Variants in CLASP1 observed in about 807,000 individuals in gnomAD.
The protein encoded by CLASP1 is CLIP-associating protein 1.
CLASP1 carries 38 observed loss-of-function variants against 192.3 expected under a neutral mutation model. The ratio of observed to expected loss-of-function variants is 0.20; its 90% CI spans 0.15 to 0.26. The LOEUF (loss-of-function observed/expected upper bound fraction) is 0.26. Ranked by LOEUF, CLASP1 falls within the 10% of genes least tolerant of loss-of-function variation. CLASP1 has a pLI of 1.00. For synonymous variants in CLASP1, 691 were observed against 712.8 expected (o/e 0.97, Z 0.49); for missense variants, 1,433 against 1,932.5 (o/e 0.74, Z 4.85).
At chr2:121,613,019 A>C (rs1389165952) in intron 1 of CLASP1, among the ~76,000 whole-genome samples, 1 of 152,270 alleles carries the variant, frequency 6.6e-6, no homozygotes, top group East Asian at 1.9e-4. Context: ...AAAATGATAC[A>C]GAAGAAACAG....
chr2:121,440,791 G>A (rs1574865592), intron 19 of CLASP1, among the ~76,000 whole-genome samples: 1 of 150,158 alleles, frequency 6.7e-6, no homozygotes, highest in East Asian at 1.9e-4. Flanking sequence ...AGATGTGAAG[G>A]GAGAAAAAAA....
chr2:121,529,465 T>C (rs1189879359), intron 3 of CLASP1, among the ~76,000 whole-genome samples: 2 of 152,202 alleles, frequency 1.3e-5, no homozygotes, highest in Non-Finnish European at 2.9e-5. Context: ...CAGTCGGTGC[T>C]CATGACCTTT....
chr2:121,365,420 C>T, intron 35 of CLASP1, 136 bp from the exon 37 acceptor site: 1 of 811,178 alleles, frequency 1.2e-6, no homozygotes, highest in East Asian at 2.7e-5. Context: ...TCCCCTCCCA[C>T]CCTCCGCCCT....
At chr2:121,624,578 G>A (rs559074974) in intron 1 of CLASP1, among the ~76,000 whole-genome samples, 10 of 152,070 alleles carry the variant, frequency 6.6e-5, no homozygotes, top group South Asian at 2.1e-4. Flanking sequence ...CACCATGCCC[G>A]GCTAATTTTT....
chr2:121,582,800 A>G (rs1160534778), intron 2 of CLASP1, among the ~76,000 whole-genome samples: 1 of 148,294 alleles, frequency 6.7e-6, no homozygotes, highest in Admixed American at 6.7e-5. Flanking sequence ...TTTTTTTTTA[A>G]CTGAGACAGA....
intron 8 of CLASP1, among the ~76,000 whole-genome samples, chr2:121,498,458 C>T (rs899614603): frequency 5.3e-5 from 8 of 152,084 alleles, no homozygotes; most frequent in African/African-American, 1.9e-4. Context: ...CTGCCTGTCT[C>T]GGTCTCGCAA....
rs139670629 is a variant in CLASP1 at position 121,530,818 on chromosome 2, A to G, written c.196-493T>C. ...CCGACTAGGGCGAGGCTCACGAATT[A>G]ATTACCACAACCCTACCAGGTATTG... On this transcript the variant is annotated intron_variant, in intron 2 of 39. Coordinates refer to ENST00000263710, the Ensembl canonical transcript of CLASP1. The G allele has an allele frequency of 3.3e-4, 206 of 633,484 alleles. 1 individual carries two copies. In the East Asian group the frequency reaches 5.2e-3, roughly 16 times the overall value. 39.2% of individuals were successfully genotyped at this position (633,484 alleles called of 1,614,324 possible). A position where few individuals can be genotyped will look rare whatever the true frequency, so the allele number is the denominator to read the frequency against.
chr2:121,531,132 C>CT (rs2094842769), intron 2 of CLASP1: 1 of 620,126 alleles, frequency 1.6e-6, no homozygotes, highest in African/African-American at 1.8e-5. Context: ...AAGTAAAGTT[C>CT]TTTCAGTTTT....
At chr2:121,535,767 G>A (rs1158761938) in intron 2 of CLASP1, among the ~76,000 whole-genome samples, 1 of 151,666 alleles carries the variant, frequency 6.6e-6, no homozygotes, top group Non-Finnish European at 1.5e-5. Context: ...TCCCGCCTCA[G>A]CAACCTGCCC....
intron 8 of CLASP1, among the ~76,000 whole-genome samples, chr2:121,495,579 C>T (rs1269390971): frequency 1.3e-5 from 2 of 151,108 alleles, no homozygotes; most frequent in African/African-American, 2.4e-5. Flanking sequence ...GAGAAGCGCT[C>T]GAACCAGGGA....
intron 23 of CLASP1, among the ~76,000 whole-genome samples, chr2:121,413,635 T>A (rs1391208452): frequency 1.3e-5 from 2 of 152,236 alleles, no homozygotes; most frequent in Non-Finnish European, 2.9e-5. Context: ...CATAAAACTT[T>A]GAGAACAATA....
chr2:121,639,285 A>C (rs1262044330), intron 1 of CLASP1, among the ~76,000 whole-genome samples: 2 of 152,152 alleles, frequency 1.3e-5, no homozygotes, highest in East Asian at 2.0e-4. Flanking sequence ...TCAAAAAAAA[A>C]CAAACAAACA....
intron 8 of CLASP1, among the ~76,000 whole-genome samples, chr2:121,483,200 T>C (rs1003790705): frequency 1.3e-5 from 2 of 152,118 alleles, no homozygotes; most frequent in African/African-American, 4.8e-5. Context: ...CAGGGCCTGG[T>C]AGAAAGTTAG....
intron 4 of CLASP1, 116 bp from the exon 5 acceptor site, chr2:121,528,006 C>A: frequency 1.5e-6 from 1 of 687,580 alleles, no homozygotes; most frequent in African/African-American, 1.8e-5. Flanking sequence ...CATCCTCTAC[C>A]AACACATTTA....
rs1032192813 is a variant in CLASP1 at position 121,431,770 on chromosome 2, A to G, written c.1913-1593T>C. On this transcript the variant is annotated intron_variant, in intron 19 of 39. Coordinates refer to ENST00000263710, the Ensembl canonical transcript of CLASP1. ...GGTTTTTTTTTTTTTTTGTAAATAC[A>G]TGTTTTCACAACCAATAACTCTGTG... is the stretch of plus-strand genomic sequence containing the variant. Among the ~76,000 whole-genome samples, 43 of 149,716 alleles carry G rather than the reference A, an allele frequency of 2.9e-4. 1 individual carries two copies. Among genetic ancestry groups the G allele is most frequent in the African/African-American group, 9.9e-4 (40 of 40,592 alleles).
At chr2:121,575,472 T>C (rs1431440795) in intron 2 of CLASP1, among the ~76,000 whole-genome samples, 1 of 152,202 alleles carries the variant, frequency 6.6e-6, no homozygotes. Context: ...TGCTTATAAG[T>C]AAAAGCATGA....
intron 1 of CLASP1, among the ~76,000 whole-genome samples, chr2:121,621,613 T>G (rs78563200): frequency 6.6e-6 from 1 of 152,236 alleles, no homozygotes; most frequent in Non-Finnish European, 1.5e-5. Context: ...TGAAAATCAA[T>G]TGACCATAAA....
At chr2:121,619,826 T>C (rs955285523) in intron 1 of CLASP1, among the ~76,000 whole-genome samples, 1 of 152,184 alleles carries the variant, frequency 6.6e-6, no homozygotes, top group Admixed American at 6.5e-5. Context: ...TCCTTGAAAC[T>C]CCCTCAAAGA....
intron 8 of CLASP1, among the ~76,000 whole-genome samples, chr2:121,490,074 TAGA>T (rs1419578308): frequency 6.6e-6 from 1 of 152,222 alleles, no homozygotes; most frequent in Non-Finnish European, 1.5e-5. Flanking sequence ...CTCCTAGTCT[TAGA>T]AGGTTAACAT....
Sources: gnomAD v4.1 joint callset for allele counts (sites outside exome capture counted in the v4.1 genomes callset) on GRCh38, gnomAD v4.1.1 for gene constraint, MANE v1.5 for transcripts, NCBI Gene and HGNC (gene_info 2026-07-23, HGNC 2026-07-21) for gene names.